Variants in PINX1 observed in about 807,000 individuals in gnomAD.
The protein encoded by PINX1 is PIN2 (TERF1) interacting telomerase inhibitor 1, also known as PIN2/TERF1-interacting telomerase inhibitor 1.
In PINX1, 34 loss-of-function variants were observed where a neutral mutation model predicts 25.4. That is an observed-to-expected ratio of 1.34 (90% CI 1.02 to 1.78). The LOEUF (loss-of-function observed/expected upper bound fraction) is 1.78. PINX1 is among the 40% of genes most tolerant of loss of function. PINX1 has a pLI of 0.00. For missense variants in PINX1, 592 were observed against 404.9 expected (o/e 1.46, Z -3.97); for synonymous variants, 197 against 147.7 (o/e 1.33, Z -2.42).
intron 6 of PINX1, among the ~76,000 whole-genome samples, chr8:10,784,938 A>T (rs1801700285): frequency 6.6e-6 from 1 of 152,248 alleles, no homozygotes; most frequent in Non-Finnish European, 1.5e-5. Context: ...GAAGACATGC[A>T]AACTCTGAGT....
chr8:10,792,575 G>C lies in PINX1; in HGVS notation c.472-26659C>G, dbSNP rs911761731. Among the ~76,000 whole-genome samples the C allele has an allele frequency of 5.9e-5, 9 of 152,100 alleles. 1 individual carries two copies. Among genetic ancestry groups the C allele is most frequent in the Non-Finnish European group, 1.0e-4 (7 of 68,034 alleles). On this transcript the variant is annotated intron_variant, in intron 6 of 6. Coordinates refer to ENST00000314787, the MANE Select transcript of PINX1 (RefSeq NM_017884.6). ...AGTGGTTCTGGGAGAAACAGATGAA[G>C]TAAAGCAGTTTACAACAAACAGAAA...
chr8:10,799,007 G>A (rs1004476773), intron 6 of PINX1, among the ~76,000 whole-genome samples: 1 of 152,082 alleles, frequency 6.6e-6, no homozygotes, highest in African/African-American at 2.4e-5. Flanking sequence ...TTGTACTCAC[G>A]TACACTTTCA....
At chr8:10,816,059 G>A (rs988687968) in intron 6 of PINX1, among the ~76,000 whole-genome samples, 11 of 152,160 alleles carry the variant, frequency 7.2e-5, no homozygotes, top group African/African-American at 1.4e-4. Flanking sequence ...TCAGGGTCAC[G>A]GGCGGTGTTG....
At chr8:10,800,859 A>G (rs1052102930) in intron 6 of PINX1, among the ~76,000 whole-genome samples, 11 of 152,136 alleles carry the variant, frequency 7.2e-5, no homozygotes, top group African/African-American at 2.7e-4. Flanking sequence ...CTCAGACCAT[A>G]CCACTTGATC....
chr8:10,830,068 G>C (rs1039743460), intron 4 of PINX1, among the ~76,000 whole-genome samples: 3 of 152,180 alleles, frequency 2.0e-5, no homozygotes, highest in Admixed American at 6.5e-5. Flanking sequence ...TAGTGTCCTT[G>C]AACTTTACTA....
At chr8:10,803,332 A>T (rs1159491422) in intron 6 of PINX1, among the ~76,000 whole-genome samples, 2 of 152,162 alleles carry the variant, frequency 1.3e-5, no homozygotes, top group African/African-American at 4.8e-5. Context: ...AACAGACAAT[A>T]ATTTCTTGGC....
rs1801019996 is a variant in PINX1 at position 10,765,794 on chromosome 8, T to C, written c.594A>G (p.Pro198=). The C allele has an allele frequency of 1.9e-6, 3 of 1,613,836 alleles. No individual in the cohort carries two copies. Among genetic ancestry groups the C allele is most frequent in the African/African-American group, 2.7e-5 (2 of 74,934 alleles). Residue 198 remains proline, a synonymous_variant, in exon 7 of 7, where the codon CCA becomes CCG. Transcript: ENST00000314787. ...ALKNKPQVPV[P]GSDISETQVE... ...CCTGCGTCTCAGAAATGTCAGACCC[T>C]GGAACTGGAACCTGGGGCTTGTTCT... is the stretch of plus-strand genomic sequence containing the variant.
chr8:10,811,164 C>G (rs962176781), intron 6 of PINX1, among the ~76,000 whole-genome samples: 1 of 152,174 alleles, frequency 6.6e-6, no homozygotes, highest in African/African-American at 2.4e-5. Context: ...TTTATTATCC[C>G]CATTTACAAA....
chr8:10,839,726 T>G lies in PINX1; in HGVS notation c.19+12A>C, dbSNP rs953828207. On this transcript the variant is annotated intron_variant, in intron 1 of 6. Transcript: ENST00000314787. ...AACGCGCCTGGGTCGGGCCTCCGCTTCCGACACTCACGTTCAGCCAGCATA... is the reference window on the plus strand; with the variant it reads ...AACGCGCCTGGGTCGGGCCTCCGCTGCCGACACTCACGTTCAGCCAGCATA... The G allele has an allele frequency of 6.2e-7, 1 of 1,602,882 alleles. No homozygotes were observed. The highest frequency in any genetic ancestry group is 1.7e-5 in the Admixed American group (1 of 59,014).
At chr8:10,798,264 A>T (rs544782314) in intron 6 of PINX1, among the ~76,000 whole-genome samples, 5 of 152,222 alleles carry the variant, frequency 3.3e-5, no homozygotes, top group Non-Finnish European at 7.4e-5. Context: ...ATGCATACTC[A>T]CATGTGTGCT....
intron 6 of PINX1, among the ~76,000 whole-genome samples, chr8:10,772,910 G>C (rs926453299): frequency 3.4e-5 from 5 of 149,162 alleles, no homozygotes; most frequent in Middle Eastern, 3.4e-3. Context: ...CTATGGCCGT[G>C]GGCCTAGTTT....
intron 6 of PINX1, among the ~76,000 whole-genome samples, chr8:10,769,893 T>C (rs145886613): frequency 6.0e-4 from 91 of 152,318 alleles, no homozygotes; most frequent in East Asian, 3.5e-3. Context: ...TATGTATCAA[T>C]TGACCACATA....
At chr8:10,791,936 T>C (rs1394891012) in intron 6 of PINX1, among the ~76,000 whole-genome samples, 4 of 152,272 alleles carry the variant, frequency 2.6e-5, no homozygotes. Context: ...CAGGACAACA[T>C]GCCCCATCTC....
intron 6 of PINX1, among the ~76,000 whole-genome samples, chr8:10,815,995 T>C (rs1483407666): frequency 4.6e-5 from 7 of 152,174 alleles, no homozygotes; most frequent in Non-Finnish European, 1.0e-4. Flanking sequence ...CCATGTGGTC[T>C]GTACACACGA....
chr8:10,784,455 G>A (rs7014168), intron 6 of PINX1, among the ~76,000 whole-genome samples: 31,295 of 152,102 alleles, frequency 0.21, 3,397 homozygotes, highest in East Asian at 0.32. Context: ...AAAACTAACT[G>A]CACTGATTCC....
intron 6 of PINX1, among the ~76,000 whole-genome samples, chr8:10,767,706 A>C (rs1801098822): frequency 2.0e-5 from 3 of 152,012 alleles, no homozygotes; most frequent in African/African-American, 7.3e-5. Flanking sequence ...CTGCCTCCCA[A>C]AGACGGGCAC....
At chr8:10,829,345 C>T (rs905623742) in intron 4 of PINX1, among the ~76,000 whole-genome samples, 1 of 150,852 alleles carries the variant, frequency 6.6e-6, no homozygotes, top group Non-Finnish European at 1.5e-5. Context: ...TTATGAAATC[C>T]TTCAGAGTAA....
chr8:10,831,639 G>C (rs781053854), intron 4 of PINX1, 26 bp downstream of exon 4: 1 of 1,432,282 alleles, frequency 7.0e-7, no homozygotes, highest in East Asian at 2.3e-5. Flanking sequence ...TTTGCATTGA[G>C]AACTTATGTC....
At chr8:10,772,063 C>T (rs777628631) in intron 6 of PINX1, among the ~76,000 whole-genome samples, 3 of 152,232 alleles carry the variant, frequency 2.0e-5, no homozygotes, top group Admixed American at 6.5e-5. Context: ...GGAACTGCCA[C>T]GTTCTTTTTG....
Sources: gnomAD v4.1 joint callset for allele counts (sites outside exome capture counted in the v4.1 genomes callset) on GRCh38, gnomAD v4.1.1 for gene constraint, MANE v1.5 for transcripts, NCBI Gene and HGNC (gene_info 2026-07-23, HGNC 2026-07-21) for gene names.